TMEM74: variants seen among roughly 807,000 people sequenced by gnomAD.
The protein encoded by TMEM74 is transmembrane protein 74.
Under a neutral mutation model 18.1 loss-of-function variants are expected in TMEM74, and 13 were observed. The ratio of observed to expected loss-of-function variants is 0.72; its 90% confidence interval spans 0.47 to 1.14. The LOEUF (loss-of-function observed/expected upper bound fraction) is 1.14. Among genes scored for constraint, TMEM74 ranks in the 50% most tolerant of loss-of-function variants. The pLI, the probability that TMEM74 is intolerant of heterozygous loss-of-function variation, is 0.00. For missense variants in TMEM74, 372 were observed against 375.9 expected, an observed-to-expected ratio of 0.99 and a Z score of 0.09; for synonymous variants, 159 against 146.6, an observed-to-expected ratio of 1.08 and a Z score of -0.61.
intron 1 of TMEM74, among the ~76,000 whole-genome samples, chr8:108,768,504 GA>G (rs1460355100): frequency 6.6e-6 from 1 of 152,092 alleles, no homozygotes; most frequent in Non-Finnish European, 1.5e-5. Context: ...ATTATCTACA[GA>G]AAAATTCAAT....
At chr8:108,685,615 G>A (rs1276927607) in intron 1 of TMEM74, among the ~76,000 whole-genome samples, 1 of 152,104 alleles carries the variant, frequency 6.6e-6, no homozygotes, top group East Asian at 1.9e-4. Flanking sequence ...ATCAAAATAA[G>A]GGTGCCTAAT....
intron 2 of TMEM74, chr8:108,652,519 A>G: frequency 2.2e-6 from 1 of 454,302 alleles, no homozygotes; most frequent in Non-Finnish European, 4.1e-6. Context: ...CCTGACCACC[A>G]GAGTGCAGGA....
In TMEM74 at chr8:108,637,775, C is replaced by T. The variant is rs373962250; in HGVS notation, n.264+17518G>A. ...ATGTAAAAGAATGAATTTGTGTTGT[C>T]TTAAGCCACTAAATTTGTGGTAATT... On this transcript the variant is annotated intron_variant and non_coding_transcript_variant, in intron 2 of 3. Coordinates refer to the TMEM74 transcript ENST00000518838. 5.9e-5 allele frequency among the ~76,000 whole-genome samples: 9 copies of T among 152,238 alleles called. No homozygotes were observed. In the East Asian group the frequency reaches 1.2e-3, roughly 20 times the overall value.
chr8:108,644,496 C>T (rs1000779439), intron 2 of TMEM74, among the ~76,000 whole-genome samples: 13 of 152,088 alleles, frequency 8.5e-5, no homozygotes, highest in African/African-American at 2.9e-4. Context: ...CAAAAATTGA[C>T]ACATGGGACC....
rs55932599 is a variant in TMEM74, at chr8:108,617,862, G to A, written n.265-9036C>T. ...GAAAAGTTTACCAGTGTTGAACCCC[G>A]CTATACCTCAAGCAGTTTTCCTGAG... On this transcript the variant is annotated intron_variant and non_coding_transcript_variant, in intron 2 of 3. Transcript: ENST00000518838. Among the ~76,000 whole-genome samples, 1,406 of 152,140 alleles carry A rather than the reference G, an allele frequency of 9.2e-3. 29 individuals carry two copies. The highest frequency in any genetic ancestry group is 0.032 in the African/African-American group (1,347 of 41,508).
intron 2 of TMEM74, among the ~76,000 whole-genome samples, chr8:108,636,647 G>A (rs970147940): frequency 6.6e-6 from 1 of 151,994 alleles, no homozygotes; most frequent in Non-Finnish European, 1.5e-5. Flanking sequence ...GAACCCAACA[G>A]CCAGCATAAA....
rs185413021 is a variant in TMEM74, at chr8:108,782,768, C to G, written c.*1413G>C. Among the ~76,000 whole-genome samples, 20 of 152,330 alleles carry G rather than the reference C, an allele frequency of 1.3e-4. No homozygotes were observed. In the East Asian group the frequency reaches 3.7e-3, roughly 28 times the overall value. On this transcript the variant is annotated 3_prime_UTR_variant, in exon 2 of 2. Transcript: ENST00000297459. Reference sequence around the variant, plus strand: ...TCTTTTTAAGAATGACCCCCTGATCCTGGTAACACAATCATGGAAGTTACA... The same window carrying G: ...TCTTTTTAAGAATGACCCCCTGATCGTGGTAACACAATCATGGAAGTTACA...
chr8:108,696,443 CATT>C (rs1193651318), intron 1 of TMEM74, among the ~76,000 whole-genome samples: 4 of 152,214 alleles, frequency 2.6e-5, no homozygotes, highest in Non-Finnish European at 5.9e-5. Context: ...ATTTGAAACT[CATT>C]AGCAAATTAT....
intron 1 of TMEM74, among the ~76,000 whole-genome samples, chr8:108,760,772 T>C (rs1456933985): frequency 6.6e-6 from 1 of 152,018 alleles, no homozygotes; most frequent in Admixed American, 6.6e-5. Flanking sequence ...CCCTACACCA[T>C]GATCTATAGT....
At chr8:108,772,411 T>C (rs964400724) in intron 1 of TMEM74, among the ~76,000 whole-genome samples, 4 of 152,158 alleles carry the variant, frequency 2.6e-5, no homozygotes, top group Admixed American at 1.3e-4. Context: ...TTGATCTGGG[T>C]TCTGTGGAGA....
In TMEM74 at chr8:108,610,017, C is replaced by T. The variant is rs192214537; in HGVS notation, n.265-1191G>A. On this transcript the variant is annotated intron_variant and non_coding_transcript_variant, in intron 2 of 3. Coordinates refer to the TMEM74 transcript ENST00000518838. ...CAAAAATATTTCTGTCAGTGGCTGTCGCCCTTTAGTGTGCATTAAGTACCA... is the reference window on the plus strand; with the variant it reads ...CAAAAATATTTCTGTCAGTGGCTGTTGCCCTTTAGTGTGCATTAAGTACCA... Among the ~76,000 whole-genome samples, 1,019 of 152,250 alleles carry T rather than the reference C, an allele frequency of 6.7e-3. 14 individuals are homozygous for T. The highest frequency in any genetic ancestry group is 0.023 in the African/African-American group (969 of 41,540).
intron 1 of TMEM74, among the ~76,000 whole-genome samples, chr8:108,666,686 A>G (rs1812952421): frequency 6.6e-6 from 1 of 152,162 alleles, no homozygotes; most frequent in Non-Finnish European, 1.5e-5. Context: ...GGAGATTAAT[A>G]CAGACTTTAC....
chr8:108,653,915 G>A (rs1009140955), intron 2 of TMEM74, among the ~76,000 whole-genome samples: 2 of 151,982 alleles, frequency 1.3e-5, no homozygotes, highest in Admixed American at 1.3e-4. Flanking sequence ...CTGTACCATT[G>A]GGTAGGTGGG....
chr8:108,648,162 A>G (rs931605483), intron 2 of TMEM74, among the ~76,000 whole-genome samples: 10 of 152,114 alleles, frequency 6.6e-5, no homozygotes, highest in Non-Finnish European at 1.3e-4. Flanking sequence ...CCTCCCATAA[A>G]GAGGTGGGGT....
At chr8:108,678,757 A>G (rs1208791268) in intron 1 of TMEM74, among the ~76,000 whole-genome samples, 1 of 148,626 alleles carries the variant, frequency 6.7e-6, no homozygotes, top group Admixed American at 6.7e-5. Context: ...TTATTTTATT[A>G]TTATTATACT....
At chr8:108,675,251 G>T (rs890159575) in intron 1 of TMEM74, among the ~76,000 whole-genome samples, 1 of 152,106 alleles carries the variant, frequency 6.6e-6, no homozygotes, top group African/African-American at 2.4e-5. Context: ...GCTTGTACTT[G>T]TATTTGAACT....
chr8:108,672,122 C>T (rs1032267551), intron 1 of TMEM74, among the ~76,000 whole-genome samples: 6 of 152,140 alleles, frequency 3.9e-5, no homozygotes, highest in African/African-American at 1.2e-4. Flanking sequence ...CACACGGCTA[C>T]GGCAGTTGCC....
intron 1 of TMEM74, among the ~76,000 whole-genome samples, chr8:108,755,530 G>A (rs766888268): frequency 3.9e-5 from 6 of 152,004 alleles, no homozygotes; most frequent in Admixed American, 3.3e-4. Flanking sequence ...GACATTTTAC[G>A]CTGTAAGAAA....
chr8:108,701,990 A>C (rs1375085411), intron 1 of TMEM74, among the ~76,000 whole-genome samples: 2 of 152,168 alleles, frequency 1.3e-5, no homozygotes, highest in Non-Finnish European at 2.9e-5. Flanking sequence ...AACACTACCC[A>C]ACATTAAGCT....
Sources: allele counts gnomAD v4.1 joint callset (sites outside exome capture counted in the v4.1 genomes callset), GRCh38; gene constraint gnomAD v4.1.1; transcripts MANE v1.5; gene names NCBI Gene and HGNC (gene_info 2026-07-23, HGNC 2026-07-21).